AGPS: variants seen among roughly 807,000 people sequenced by gnomAD.
AGPS encodes alkyldihydroxyacetonephosphate synthase, peroxisomal.
In AGPS, 26 loss-of-function variants were observed where a neutral mutation model predicts 90.7. The ratio of observed to expected loss-of-function variants is 0.29; its 90% confidence interval spans 0.21 to 0.40. The LOEUF (loss-of-function observed/expected upper bound fraction) is 0.40. AGPS is among the 10% of genes least tolerant of loss of function. AGPS has a pLI of 1.00. For synonymous variants in AGPS, 294 were observed against 285.3 expected (o/e 1.03, Z -0.31); for missense variants, 540 against 816.1 (o/e 0.66, Z 4.12).
intron 1 of AGPS, among the ~76,000 whole-genome samples, chr2:177,417,214 A>T (rs1156526682): frequency 6.6e-6 from 1 of 152,216 alleles, no homozygotes; most frequent in African/African-American, 2.4e-5. Context: ...CTGTCATGAG[A>T]TAGTGATTCC....
At chr2:177,516,259 A>G (rs1689020064) in intron 17 of AGPS, among the ~76,000 whole-genome samples, 1 of 152,164 alleles carries the variant, frequency 6.6e-6, no homozygotes, top group Non-Finnish European at 1.5e-5. Context: ...TTTGTCCATT[A>G]AAATGTACTT....
chr2:177,442,218 A>G (rs762522909), intron 6 of AGPS, among the ~76,000 whole-genome samples, 189 bp from the exon 7 acceptor site: 2 of 152,140 alleles, frequency 1.3e-5, no homozygotes, highest in Non-Finnish European at 2.9e-5. Flanking sequence ...TCATTTTGGC[A>G]CTCAGCATAA....
At chr2:177,480,188 T>A (rs531481196) in intron 10 of AGPS, among the ~76,000 whole-genome samples, 73 of 151,864 alleles carry the variant, frequency 4.8e-4, no homozygotes, top group Admixed American at 2.2e-3. Flanking sequence ...CTCAAAAATT[T>A]TAAAAAAATA....
At position 177,441,055 on chromosome 2, in the gene AGPS, G is replaced by T; in HGVS notation, c.709+19G>T. On this transcript the variant is annotated intron_variant, in intron 6 of 19. Coordinates refer to ENST00000264167, the MANE Select transcript of AGPS (RefSeq NM_003659.4). ...ATTGGTGGTAGGTATTGTGCCTTTTGAATTTTAATATGTAAATTTGTTCTA... is the reference window on the plus strand; with the variant it reads ...ATTGGTGGTAGGTATTGTGCCTTTTTAATTTTAATATGTAAATTTGTTCTA... The T allele has an allele frequency of 4.5e-6, 7 of 1,570,936 alleles. No individual in the cohort carries two copies. In the South Asian group the frequency reaches 4.5e-5, roughly 10 times the overall value.
intron 10 of AGPS, among the ~76,000 whole-genome samples, chr2:177,469,378 A>G (rs1026411213): frequency 2.0e-5 from 3 of 152,176 alleles, no homozygotes; most frequent in African/African-American, 4.8e-5. Flanking sequence ...CATAAATTCT[A>G]TTCTTTGACA....
At chr2:177,461,806 A>C (rs1268928719) in intron 8 of AGPS, 87 bp from the exon 9 acceptor site, 1 of 1,249,450 alleles carries the variant, frequency 8.0e-7, no homozygotes, top group Non-Finnish European at 1.1e-6. Context: ...ATGACATGGA[A>C]ATTTTAAAGT....
chr2:177,491,429 C>CTTTTTTTTTTT (rs1051275473), intron 11 of AGPS, among the ~76,000 whole-genome samples: 19 of 118,246 alleles, frequency 1.6e-4, no homozygotes, highest in African/African-American at 4.5e-4. Context: ...TGACTAATTT[C>CTTTTTTTTTTT]TTTTTTTTTT....
chr2:177,415,825 CT>C lies in AGPS; in HGVS notation c.261-4434del, dbSNP rs1013115833. Among the ~76,000 whole-genome samples, 76 of 148,922 alleles carry C rather than the reference CT, an allele frequency of 5.1e-4. 1 individual carries two copies. The highest frequency in any genetic ancestry group is 2.5e-3 in the South Asian group (12 of 4,710). On this transcript the variant is annotated intron_variant, in intron 1 of 19. Transcript: ENST00000264167. Reference sequence around the variant, plus strand: ...GATCCTTTTGGCCATTTCAGTTGTCCTTTTTTTTTTCTCTCTAGGAAATCAC... The same window carrying C: ...GATCCTTTTGGCCATTTCAGTTGTCCTTTTTTTTTCTCTCTAGGAAATCAC...
At chr2:177,528,946 C>T (rs1422452438) in intron 19 of AGPS, among the ~76,000 whole-genome samples, 3 of 146,312 alleles carry the variant, frequency 2.1e-5, no homozygotes, top group African/African-American at 7.5e-5. Context: ...ACCTCTGCCT[C>T]CCGGGTTCAA....
At chr2:177,443,944 A>C (rs1686688964) in intron 7 of AGPS, among the ~76,000 whole-genome samples, 1 of 152,164 alleles carries the variant, frequency 6.6e-6, no homozygotes, top group Non-Finnish European at 1.5e-5. Context: ...GGTAGCTACA[A>C]GGTATATATT....
At chr2:177,487,516 A>G (rs1418265711) in intron 11 of AGPS, among the ~76,000 whole-genome samples, 2 of 152,090 alleles carry the variant, frequency 1.3e-5, no homozygotes, top group Non-Finnish European at 2.9e-5. Flanking sequence ...TTGGGAAGAC[A>G]TAAATTTTAT....
At chr2:177,397,244 AT>A (rs1685207613) in intron 1 of AGPS, among the ~76,000 whole-genome samples, 2 of 152,154 alleles carry the variant, frequency 1.3e-5, no homozygotes, top group South Asian at 4.2e-4. Context: ...GCCGGCTCCA[AT>A]TACTTCTATC....
At chr2:177,491,514 C>T (rs900578533) in intron 11 of AGPS, among the ~76,000 whole-genome samples, 2 of 148,230 alleles carry the variant, frequency 1.3e-5, no homozygotes, top group African/African-American at 5.0e-5. Flanking sequence ...TGACCTCGGG[C>T]AGTCTGCCTC....
chr2:177,493,324 C>A, intron 12 of AGPS, 125 bp downstream of exon 12: 2 of 860,242 alleles, frequency 2.3e-6, no homozygotes, highest in Non-Finnish European at 3.9e-6. Context: ...AGATGTCAGT[C>A]TAATGAAGAT....
chr2:177,540,148 A>G lies in AGPS; in HGVS notation c.*1953A>G, dbSNP rs1170523611. ...ATAAAACAGGTTAATAAGAAGATCCATTCCTTTGCATGTGATTGTTATAAC... is the reference window on the plus strand; with the variant it reads ...ATAAAACAGGTTAATAAGAAGATCCGTTCCTTTGCATGTGATTGTTATAAC... On this transcript the variant is annotated 3_prime_UTR_variant, in exon 20 of 20. Coordinates refer to ENST00000264167, the MANE Select transcript of AGPS (RefSeq NM_003659.4). 6.6e-6 allele frequency: 1 copy of G among 151,118 alleles called. No homozygotes were observed. Among genetic ancestry groups the G allele is most frequent in the African/African-American group, 2.4e-5 (1 of 41,188 alleles). The allele number at this position is 151,118 out of a possible 1,614,324, so 9.4% of individuals were successfully genotyped here.
At chr2:177,487,555 C>T (rs560515149) in intron 11 of AGPS, among the ~76,000 whole-genome samples, 2 of 152,142 alleles carry the variant, frequency 1.3e-5, no homozygotes, top group African/African-American at 4.8e-5. Flanking sequence ...CTTAATTTAT[C>T]TTGGAGGAGT....
chr2:177,425,545 C>T (rs577622821), intron 2 of AGPS, among the ~76,000 whole-genome samples: 172 of 140,812 alleles, frequency 1.2e-3, no homozygotes, highest in African/African-American at 4.2e-3. Context: ...CGCTTGAACC[C>T]GGGAGGTGGA....
In AGPS at chr2:177,439,582, G is replaced by A. The variant is rs1026570897; in HGVS notation, c.638-1383G>A. Among the ~76,000 whole-genome samples, 9 of 152,170 alleles carry A rather than the reference G, an allele frequency of 5.9e-5. No individual in the cohort carries two copies. The East Asian group carries it at 1.5e-3, about 26-fold the overall frequency. On this transcript the variant is annotated intron_variant, in intron 5 of 19. Coordinates refer to ENST00000264167, the MANE Select transcript of AGPS (RefSeq NM_003659.4). The stretch of plus-strand genomic sequence containing the variant: ...TGAAAATAGATATTTATTAAAAATC[G>A]GAATGAAACAAATGACATGTTTTCT...
intron 5 of AGPS, among the ~76,000 whole-genome samples, chr2:177,439,194 G>C (rs7604299): frequency 0.87 from 132,979 of 152,220 alleles, 58,227 homozygotes; most frequent in East Asian, 0.98. Context: ...AGGCTAGGTA[G>C]TTGAGGATAA....
Sources: allele counts gnomAD v4.1 joint callset (sites outside exome capture counted in the v4.1 genomes callset), GRCh38; gene constraint gnomAD v4.1.1; transcripts MANE v1.5; gene names NCBI Gene and HGNC (gene_info 2026-07-23, HGNC 2026-07-21).